Variants in PAPPA2 observed in about 807,000 individuals in gnomAD.
PAPPA2 encodes the protein pappalysin-2.
Under a neutral mutation model 176.4 loss-of-function variants are expected in PAPPA2, and 86 were observed. The observed-to-expected ratio is 0.49, with a 90% CI of 0.41 to 0.58. The LOEUF is 0.58. PAPPA2 is among the 20% of genes least tolerant of loss of function. PAPPA2 has a pLI of 0.00. For synonymous variants in PAPPA2, 809 were observed against 852.2 expected (o/e 0.95, Z 0.88); for missense variants, 2,073 against 2,256.9 (o/e 0.92, Z 1.65).
intron 2 of PAPPA2, among the ~76,000 whole-genome samples, chr1:176,586,941 C>T (rs1653350636): frequency 6.6e-6 from 1 of 152,158 alleles, no homozygotes. Context: ...TCTCCACATC[C>T]TCGCCAGCAT....
intron 2 of PAPPA2, among the ~76,000 whole-genome samples, chr1:176,579,691 A>G (rs1652853611): frequency 6.6e-6 from 1 of 152,216 alleles, no homozygotes; most frequent in Non-Finnish European, 1.5e-5. Context: ...GTTTTAGTGT[A>G]GTAGAAAGAG....
intron 14 of PAPPA2, among the ~76,000 whole-genome samples, chr1:176,754,126 G>C (rs901056187): frequency 6.6e-6 from 1 of 151,612 alleles, no homozygotes; most frequent in African/African-American, 2.4e-5. Context: ...GACAATTCCA[G>C]AATAGCCTTT....
intron 4 of PAPPA2, among the ~76,000 whole-genome samples, chr1:176,674,533 T>A (rs1021093334): frequency 3.9e-5 from 6 of 152,156 alleles, no homozygotes; most frequent in Non-Finnish European, 1.5e-5. Flanking sequence ...ATTCCTGAGT[T>A]ACTTCACTTA....
chr1:176,799,672 C>G (rs1346944372), intron 20 of PAPPA2, among the ~76,000 whole-genome samples: 1 of 152,186 alleles, frequency 6.6e-6, no homozygotes, highest in Admixed American at 6.5e-5. Flanking sequence ...TCAACACAAC[C>G]ATCTTACAAT....
At chr1:176,817,392 C>T (rs533904048) in intron 21 of PAPPA2, among the ~76,000 whole-genome samples, 1 of 152,172 alleles carries the variant, frequency 6.6e-6, no homozygotes, top group Admixed American at 6.5e-5. Context: ...TGCTGCCGTG[C>T]TTGGGATGTA....
chr1:176,665,603 T>C (rs1658597326), intron 3 of PAPPA2, among the ~76,000 whole-genome samples: 2 of 152,178 alleles, frequency 1.3e-5, no homozygotes, highest in Non-Finnish European at 2.9e-5. Flanking sequence ...TTTTATGAAG[T>C]TTAGTTTCTT....
chr1:176,793,068 C>T (rs956870085), intron 19 of PAPPA2, among the ~76,000 whole-genome samples: 22 of 152,094 alleles, frequency 1.4e-4, no homozygotes, highest in Admixed American at 5.2e-4. Context: ...GGCCATTTCC[C>T]GCCACCCACC....
chr1:176,528,776 C>A (rs568108449), intron 1 of PAPPA2, among the ~76,000 whole-genome samples: 1 of 152,262 alleles, frequency 6.6e-6, no homozygotes, highest in African/African-American at 2.4e-5. Context: ...TTCCACATAC[C>A]TTTTCCTTCT....
At position 176,595,464 on chromosome 1, in the gene PAPPA2, C is replaced by T. The variant is rs1456395525; in HGVS notation, c.1860C>T (p.Ser620=). ...GDCRLQGRCY[S]WNRRDGLCHV... ...GCCGCCTGCAGGGCCGCTGCTACTC[C>T]TGGAACCGCAGGGATGGGCTCTGTC... is the stretch of plus-strand genomic sequence containing the variant. Residue 620 remains serine (S), a synonymous_variant, in exon 3 of 23, where the codon TCC becomes TCT. Transcript: ENST00000367662. 3 of 1,614,100 alleles carry T rather than the reference C, an allele frequency of 1.9e-6. No individual in the cohort carries two copies. The highest frequency in any genetic ancestry group is 2.2e-5 in the South Asian group (2 of 91,086).
intron 12 of PAPPA2, among the ~76,000 whole-genome samples, chr1:176,724,528 G>T (rs111265573): frequency 1.3e-5 from 2 of 152,080 alleles, no homozygotes; most frequent in Non-Finnish European, 2.9e-5. Context: ...GAATGGTCTC[G>T]TTCAGGCTGG....
chr1:176,808,624 A>G (rs1203657176), intron 21 of PAPPA2, among the ~76,000 whole-genome samples: 1 of 152,188 alleles, frequency 6.6e-6, no homozygotes, highest in Non-Finnish European at 1.5e-5. Flanking sequence ...TCTTGAGACA[A>G]CAAGCCACAT....
chr1:176,817,186 C>T (rs1459734046), intron 21 of PAPPA2, among the ~76,000 whole-genome samples: 1 of 152,098 alleles, frequency 6.6e-6, no homozygotes, highest in Admixed American at 6.6e-5. Context: ...AAGTAGCACT[C>T]ACTCCTGGGG....
intron 3 of PAPPA2, chr1:176,616,778 C>A: frequency 9.1e-6 from 9 of 992,302 alleles, no homozygotes; most frequent in South Asian, 8.9e-5. Flanking sequence ...CTGGGTGGTT[C>A]ATTCGAGGTG....
Position 176,662,566 on chromosome 1 carries a change from C to CT in PAPPA2, c.1992-8393dup, listed in dbSNP as rs60399739. Among the ~76,000 whole-genome samples the CT allele has an allele frequency of 6.6e-3, 957 of 144,298 alleles. 11 individuals carry two copies. The highest frequency in any genetic ancestry group is 0.021 in the African/African-American group (823 of 39,488). The allele number at this position is 144,298 out of a possible 152,430, so 94.7% of individuals were successfully genotyped here. ...TTTTCATGTGTATGTTGGTTCAAGC[C>CT]TTTTTTTTTTTACTCTATTTTTTAA... On this transcript the variant is annotated intron_variant, in intron 3 of 22. Transcript: ENST00000367662.
intron 2 of PAPPA2, among the ~76,000 whole-genome samples, chr1:176,575,131 G>A (rs879847534): frequency 5.3e-5 from 8 of 152,146 alleles, no homozygotes; most frequent in Non-Finnish European, 1.2e-4. Context: ...TCCTTAGGAA[G>A]GAGACCCCTG....
At position 176,693,038 on chromosome 1, in the gene PAPPA2, G is replaced by A. The variant is rs561669794; in HGVS notation, c.2624+720G>A. Among the ~76,000 whole-genome samples the A allele has an allele frequency of 5.6e-4, 86 of 152,298 alleles. 1 individual carries two copies. In the South Asian group the frequency reaches 0.017, roughly 31 times the overall value. ...TGCATATTGGTTTGAAAGAATAACA[G>A]ATAAATTTTTGTAGAAAGGAGAGAA... On this transcript the variant is annotated intron_variant, in intron 6 of 22. Coordinates refer to ENST00000367662, the MANE Select transcript of PAPPA2 (RefSeq NM_020318.3).
Position 176,595,198 on chromosome 1 carries a change from A to G in PAPPA2, c.1594A>G (p.Ile532Val), listed in dbSNP as rs1257166234. The G allele has an allele frequency of 2.5e-6, 4 of 1,614,086 alleles. No individual in the cohort carries two copies. The highest frequency in any genetic ancestry group is 1.6e-4 in the Middle Eastern group (1 of 6,084). ...EKVIRYQVVNICDDEGLNPIV... is the reference protein window; with the variant it reads ...EKVIRYQVVNVCDDEGLNPIV... ...GGTGATACGCTACCAGGTGGTGAAC[A>G]TCTGTGATGATGAGGGCCTAAACCC... The change falls in exon 3 of 23, where the codon ATC (isoleucine) becomes GTC (valine). Residue 532 changes from isoleucine to valine, a missense_variant. This residue lies in a region of PAPPA2 where 1,196 missense variants were observed against 1,330.4 expected (regional missense o/e 0.90). Coordinates refer to ENST00000367662, the MANE Select transcript of PAPPA2 (RefSeq NM_020318.3).
intron 12 of PAPPA2, among the ~76,000 whole-genome samples, chr1:176,731,568 T>C (rs932287872): frequency 6.6e-6 from 1 of 151,972 alleles, no homozygotes; most frequent in Non-Finnish European, 1.5e-5. Flanking sequence ...AGCCTCAACC[T>C]CCTAAAGTGC....
intron 1 of PAPPA2, among the ~76,000 whole-genome samples, chr1:176,493,680 A>G (rs1322113687): frequency 6.6e-6 from 1 of 152,196 alleles, no homozygotes; most frequent in African/African-American, 2.4e-5. Flanking sequence ...TACCATCCAC[A>G]AAACCCAGTC....
Sources: allele counts gnomAD v4.1 joint callset (sites outside exome capture counted in the v4.1 genomes callset), GRCh38; gene constraint gnomAD v4.1.1; regional missense constraint gnomAD v4.1.1; transcripts MANE v1.5; gene names NCBI Gene and HGNC (gene_info 2026-07-23, HGNC 2026-07-21).